NSUN6: variants seen among roughly 807,000 people sequenced by gnomAD.
The protein encoded by NSUN6 is NOP2/Sun RNA methyltransferase 6, also known as tRNA (cytosine(72)-C(5))-methyltransferase NSUN6.
A neutral mutation model predicts 58.0 loss-of-function variants in NSUN6; 64 were observed. The ratio of observed to expected loss-of-function variants is 1.10; its 90% CI spans 0.90 to 1.36. NSUN6 has a LOEUF of 1.36. NSUN6 is among the 40% of genes most tolerant of loss of function. The pLI, the probability that NSUN6 is intolerant of heterozygous loss-of-function variation, is 0.00. For synonymous variants in NSUN6, 231 were observed against 193.9 expected, an observed-to-expected ratio of 1.19 and a Z score of -1.59; for missense variants, 701 against 550.1, an observed-to-expected ratio of 1.27 and a Z score of -2.74.
At chr10:18,657,929 T>A (rs1428503407), upstream of NSUN6, among the ~76,000 whole-genome samples, 1 of 150,052 alleles carries the variant, frequency 6.7e-6, no homozygotes, top group African/African-American at 2.5e-5. Flanking sequence ...TGCATCTTCA[T>A]ACAAAAATGC....
chr10:18,595,817 C>T (rs1399410332), intron 7 of NSUN6, among the ~76,000 whole-genome samples: 1 of 151,914 alleles, frequency 6.6e-6, no homozygotes, highest in Non-Finnish European at 1.5e-5. Context: ...TATTATACAA[C>T]TATGTTTATA....
intron 3 of NSUN6, among the ~76,000 whole-genome samples, chr10:18,636,765 G>A (rs1002399496): frequency 8.6e-5 from 13 of 151,736 alleles, no homozygotes; most frequent in African/African-American, 1.2e-4. Context: ...GGTGGCACAC[G>A]CCTGTAGTCC....
intron 8 of NSUN6, among the ~76,000 whole-genome samples, chr10:18,581,503 T>C (rs903876917): frequency 2.6e-5 from 4 of 152,138 alleles, no homozygotes; most frequent in African/African-American, 7.2e-5. Context: ...CTATCCCTTG[T>C]TTAGCATATA....
chr10:18,652,923 C>T (rs1420589760), upstream of NSUN6: 1 of 985,010 alleles, frequency 1.0e-6, no homozygotes, highest in Non-Finnish European at 1.2e-6. Context: ...CATGTTCTCA[C>T]AAATAAAAAG....
Position 18,618,128 on chromosome 10 carries a change from G to A in NSUN6, c.312-1835C>T, listed in dbSNP as rs367977000. On this transcript the variant is annotated intron_variant, in intron 3 of 10. Coordinates refer to ENST00000377304, the MANE Select transcript of NSUN6 (RefSeq NM_182543.5). The stretch of plus-strand genomic sequence containing the variant: ...TCTAGTTCTGATAGGTTTTGTGGGC[G>A]TATCTCCTGATGTTGGACACATATC... 3.6e-4 allele frequency among the ~76,000 whole-genome samples: 55 copies of A among 152,294 alleles called. 1 individual carries two copies. The South Asian group carries it at 6.6e-3, about 18-fold the overall frequency.
At position 18,566,614 on chromosome 10, in the gene NSUN6, T is replaced by C. The variant is rs1431591159; in HGVS notation, c.923-14643A>G. On this transcript the variant is annotated intron_variant, in intron 8 of 10. Transcript: ENST00000377304. ...CATTCCATTCCATTCTCCAGTCCCT[T>C]CCATTCTCCATTCTATTCCATTCCA... Among the ~76,000 whole-genome samples, 3 of 150,916 alleles carry C rather than the reference T, an allele frequency of 2.0e-5. No homozygotes were observed. The Admixed American group carries it at 2.0e-4, about 10-fold the overall frequency.
intron 8 of NSUN6, among the ~76,000 whole-genome samples, chr10:18,566,404 T>TCCA (rs2055948874): frequency 6.6e-6 from 1 of 150,848 alleles, no homozygotes; most frequent in Non-Finnish European, 1.5e-5. Context: ...TCCATTCTTC[T>TCCA]TCATTCTATT....
At chr10:18,615,981 G>GAA (rs758423302) in intron 4 of NSUN6, among the ~76,000 whole-genome samples, 2 of 140,386 alleles carry the variant, frequency 1.4e-5, no homozygotes, top group African/African-American at 5.2e-5. Context: ...TATTTGGAAG[G>GAA]AAAAAAAAAA....
rs370576076 is a variant in NSUN6 at position 18,622,037 on chromosome 10, G to GACAC, written c.312-5748_312-5745dup. On this transcript the variant is annotated intron_variant, in intron 3 of 10. Coordinates refer to ENST00000377304, the MANE Select transcript of NSUN6 (RefSeq NM_182543.5). ...CACATATATATATATATATACGAAT[G>GACAC]ACACACACACACACACACACACAGA... Among the ~76,000 whole-genome samples the GACAC allele has an allele frequency of 6.4e-3, 949 of 148,438 alleles. 7 individuals are homozygous for GACAC. The highest frequency in any genetic ancestry group is 0.021 in the African/African-American group (860 of 40,492).
intron 8 of NSUN6, among the ~76,000 whole-genome samples, chr10:18,559,195 G>GAATGGAATAGAGAATGGAATGGTGAATGC (rs2055290107): frequency 6.6e-6 from 1 of 151,390 alleles, no homozygotes. Context: ...ATGGAAGATG[G>GAATGGAATAGAGAATGGAATGGTGAATGC]AATGGAATAG....
At chr10:18,630,968 C>T (rs2059009816) in intron 3 of NSUN6, among the ~76,000 whole-genome samples, 1 of 151,798 alleles carries the variant, frequency 6.6e-6, no homozygotes, top group South Asian at 2.1e-4. Context: ...AATTTTAGAC[C>T]AATATCCTTG....
intron 3 of NSUN6, among the ~76,000 whole-genome samples, chr10:18,635,126 C>A (rs2059170162): frequency 6.6e-6 from 1 of 152,242 alleles, no homozygotes; most frequent in South Asian, 2.1e-4. Context: ...CCAATAAAAC[C>A]CTTGGGCACC....
intron 8 of NSUN6, among the ~76,000 whole-genome samples, chr10:18,576,467 G>A (rs1415325134): frequency 1.3e-5 from 2 of 152,138 alleles, no homozygotes. Flanking sequence ...GACCACTAAA[G>A]AGCAAGGATG....
intron 8 of NSUN6, 103 bp from the exon 9 acceptor site, chr10:18,552,074 A>T: frequency 1.4e-6 from 1 of 706,714 alleles, no homozygotes; most frequent in Non-Finnish European, 2.3e-6. Flanking sequence ...AGAATAAAAA[A>T]ATGAAACAAT....
At chr10:18,555,182 T>C (rs1251955083) in intron 8 of NSUN6, among the ~76,000 whole-genome samples, 3 of 149,474 alleles carry the variant, frequency 2.0e-5, no homozygotes, top group African/African-American at 4.9e-5. Context: ...GAGGATGGAA[T>C]GGAATGGAGA....
chr10:18,643,259 C>T (rs1427852818), intron 2 of NSUN6, among the ~76,000 whole-genome samples: 1 of 151,126 alleles, frequency 6.6e-6, no homozygotes, highest in Non-Finnish European at 1.5e-5. Flanking sequence ...CTGTCACAAG[C>T]AGAAGACAAT....
At chr10:18,559,154 CA>C (rs1245921378) in intron 8 of NSUN6, among the ~76,000 whole-genome samples, 1 of 134,484 alleles carries the variant, frequency 7.4e-6, no homozygotes, top group Non-Finnish European at 1.6e-5. Flanking sequence ...GAATGGAATG[CA>C]GAATGGAATG....
rs571155166 is a variant in NSUN6 at position 18,600,404 on chromosome 10, C to T, written c.658-4077G>A. ...CTTTCAGAGGCCTAGGTCGGAGGAC[C>T]GCTTCAGGCCAGGGGTTCCAGACCA... On this transcript the variant is annotated intron_variant, in intron 6 of 10. Coordinates refer to ENST00000377304, the MANE Select transcript of NSUN6 (RefSeq NM_182543.5). Among the ~76,000 whole-genome samples, 45 of 152,166 alleles carry T rather than the reference C, an allele frequency of 3.0e-4. 1 individual carries two copies. Among genetic ancestry groups the T allele is most frequent in the Middle Eastern group, 6.8e-3 (2 of 294 alleles).
intron 8 of NSUN6, among the ~76,000 whole-genome samples, chr10:18,583,325 CT>C (rs1376404945): frequency 6.6e-6 from 1 of 152,188 alleles, no homozygotes; most frequent in Non-Finnish European, 1.5e-5. Context: ...TGCTGACTCC[CT>C]TTTCGGACTC....
Sources: allele counts gnomAD v4.1 joint callset (sites outside exome capture counted in the v4.1 genomes callset), GRCh38; gene constraint gnomAD v4.1.1; transcripts MANE v1.5; gene names NCBI Gene and HGNC (gene_info 2026-07-23, HGNC 2026-07-21).